The following SPEG variants were observed in gnomAD, a reference collection of about 807,000 sequenced individuals.
SPEG encodes the protein striated muscle enriched protein kinase.
Under a neutral mutation model 300.4 loss-of-function variants are expected in SPEG, and 114 were observed. The observed-to-expected ratio is 0.38, with a 90% CI of 0.33 to 0.44. The LOEUF (loss-of-function observed/expected upper bound fraction) is 0.44, where lower values mean the gene tolerates loss of function less well. Among genes scored for constraint, SPEG ranks in the 20% least tolerant of loss-of-function variants. The pLI, the probability that SPEG is intolerant of heterozygous loss-of-function variation, is 1.00. For missense variants in SPEG, 4,201 were observed against 4,586.2 expected, an observed-to-expected ratio of 0.92 and a Z score of 2.43; for synonymous variants, 1,964 against 2,018.9, an observed-to-expected ratio of 0.97 and a Z score of 0.73.
chr2:219,488,411 G>T (rs770877708), intron 32 of SPEG, 87 bp from the exon 33 acceptor site: 1 of 1,502,822 alleles, frequency 6.7e-7, no homozygotes. Context: ...GCACGGTTAG[G>T]GGGGATGCTG....
intron 1 of SPEG, chr2:219,441,569 C>A (rs1469339327): frequency 4.2e-6 from 2 of 470,972 alleles, no homozygotes; most frequent in South Asian, 3.1e-5. Flanking sequence ...TGCTGCTGAC[C>A]TTCCAGAGAG....
chr2:219,488,817 C>T lies in SPEG; in HGVS notation c.8066C>T (p.Thr2689Ile), dbSNP rs767275746. Residue 2689 changes from threonine to isoleucine, a missense_variant, in exon 34 of 41, where the codon ACC becomes ATC. Thr to Ile is a moderately conservative substitution (Grantham distance 89). This residue lies in a region of SPEG where 1,578 missense variants were observed against 1,506.0 expected (regional missense o/e 1.05). Coordinates refer to ENST00000312358, the MANE Select transcript of SPEG (RefSeq NM_005876.5). The stretch of plus-strand genomic sequence containing the variant: ...CTAGCTCCTCCAGAGGTACCCCAGA[C>T]CTACCAGGACACGGCGCTGGTGCTG... ...GKLAPPEVPQTYQDTALVLWK... is the reference protein window; with the variant it reads ...GKLAPPEVPQIYQDTALVLWK... 6.3e-7 allele frequency: 1 copy of T among 1,597,968 alleles called. No homozygotes were observed.
chr2:219,443,451 C>T lies in SPEG; in HGVS notation c.389-1202C>T, dbSNP rs1034764926. ...ATGCTTTGGCAACCAGTACGTGGCT[C>T]CTGCTTGTCATGGCAGCCAGAGGGA... On this transcript the variant is annotated intron_variant, in intron 1 of 40. Coordinates refer to ENST00000312358, the MANE Select transcript of SPEG (RefSeq NM_005876.5). The surrounding 1 kb of genome is among the most constrained non-coding windows in gnomAD (Gnocchi z 4.6). The T allele has an allele frequency of 2.2e-5, 10 of 451,798 alleles. No homozygotes were observed. The highest frequency in any genetic ancestry group is 4.0e-5 in the Non-Finnish European group (10 of 249,900). 28.0% of individuals were successfully genotyped at this position (451,798 alleles called of 1,614,324 possible). A position where few individuals can be genotyped will look rare whatever the true frequency, so the allele number is the denominator to read the frequency against.
chr2:219,451,400 C>A lies in SPEG; in HGVS notation c.2257+121C>A. The A allele has an allele frequency of 7.5e-7, 1 of 1,335,488 alleles. No individual in the cohort carries two copies. Among genetic ancestry groups the A allele is most frequent in the Non-Finnish European group, 1.0e-6 (1 of 1,001,510 alleles). 82.7% of individuals were successfully genotyped at this position (1,335,488 alleles called of 1,614,324 possible). On this transcript the variant is annotated intron_variant, in intron 5 of 40. Transcript: ENST00000312358. The surrounding 1 kb of genome is among the most constrained non-coding windows in gnomAD (Gnocchi z 6.4). ...TGGGAAAGAGGGGAATTATCCCCTC[C>A]ACGGGGGCTGCCCTGACTTGGGTGT...
At position 219,451,606 on chromosome 2, in the gene SPEG, TC is replaced by T. The variant is rs765943009; in HGVS notation, c.2258-16del. 99 of 1,513,272 alleles carry T rather than the reference TC, an allele frequency of 6.5e-5. No homozygotes were observed. The highest frequency in any genetic ancestry group is 2.6e-5 in the Non-Finnish European group (29 of 1,131,222). 93.7% of individuals were successfully genotyped at this position (1,513,272 alleles called of 1,614,324 possible). On this transcript the variant is annotated intron_variant, in intron 5 of 40. Transcript: ENST00000312358. This position sits in a 1 kb window ranked among gnomAD's most constrained non-coding sequence, Gnocchi z 6.4. ...CGCCTGTGGGCCGTGGCGAGCCGGG[TC>T]CCTGTGCCTCCCCACAGTGTCCTGG...
At chr2:219,491,561 C>T (rs1184816552) in intron 38 of SPEG, among the ~76,000 whole-genome samples, 4 of 152,200 alleles carry the variant, frequency 2.6e-5, no homozygotes, top group Non-Finnish European at 2.9e-5. Flanking sequence ...CTCTGGAGTT[C>T]TGGGGACCCC....
chr2:219,461,291 T>C (rs1271041978), intron 6 of SPEG: 2 of 986,822 alleles, frequency 2.0e-6, no homozygotes, highest in East Asian at 2.3e-4. Flanking sequence ...TGTAGGGCTG[T>C]GGCCAACAGG....
In SPEG at chr2:219,448,249, C is replaced by T. The variant is rs766118266; in HGVS notation, c.1091C>T (p.Ser364Phe). 1.9e-6 allele frequency: 3 copies of T among 1,612,272 alleles called. No individual in the cohort carries two copies. Among genetic ancestry groups the T allele is most frequent in the Admixed American group, 3.3e-5 (2 of 59,956 alleles). ...RGKKSKSSGP[S>F]LAGTAESRPQ... is the part of the protein sequence containing the mutation. ...AAGAAGTCCAAGTCGTCCGGGCCCT[C>T]CCTGGCGGGCACCGCGGAATCCCGA... Residue 364 changes from serine (S) to phenylalanine (F), a missense_variant, in exon 4 of 41, where the codon TCC becomes TTC. Ser to Phe is a radical substitution (Grantham distance 155). This residue lies in a region of SPEG where 1,258 missense variants were observed against 1,293.9 expected (regional missense o/e 0.97). Transcript: ENST00000312358.
chr2:219,478,081 G>A lies in SPEG; in HGVS notation c.5003G>A (p.Arg1668Gln), dbSNP rs750297716. 15 of 1,613,894 alleles carry A rather than the reference G, an allele frequency of 9.3e-6. No homozygotes were observed. The highest frequency in any genetic ancestry group is 4.4e-5 in the South Asian group (4 of 91,080). Residue 1668 changes from arginine to glutamine, a missense_variant, in exon 22 of 41, where the codon CGG becomes CAG. Arg to Gln is a conservative substitution (Grantham distance 43). Transcript: ENST00000312358. Reference protein sequence around the residue: ...LYFHEAFERRRGLVIVTELCT... With the variant: ...LYFHEAFERRQGLVIVTELCT... Reference sequence around the variant, plus strand: ...TTCCATGAGGCCTTCGAGAGGCGCCGGGGACTGGTCATTGTCACCGAGCTG... The same window carrying A: ...TTCCATGAGGCCTTCGAGAGGCGCCAGGGACTGGTCATTGTCACCGAGCTG...
chr2:219,474,152 T>G (rs1575138973), intron 18 of SPEG: 1 of 396,034 alleles, frequency 2.5e-6, no homozygotes, highest in Non-Finnish European at 4.6e-6. Context: ...CCGACACAGG[T>G]GGATTACCTG....
At chr2:219,447,902 C>T (rs1689436638) in intron 3 of SPEG, 72 bp from the exon 4 acceptor site, 1 of 1,437,460 alleles carries the variant, frequency 7.0e-7, no homozygotes, top group Non-Finnish European at 9.6e-7. Flanking sequence ...CCACCCAATT[C>T]CTGTCACAAG....
At position 219,484,378 on chromosome 2, in the gene SPEG, G is replaced by A. The variant is rs760184740; in HGVS notation, c.6915G>A (p.Glu2305=). Residue 2305 remains glutamate (E), a synonymous_variant, in exon 30 of 41, where the codon GAG becomes GAA. Coordinates refer to ENST00000312358, the MANE Select transcript of SPEG (RefSeq NM_005876.5). ...PSAGGPPVLA[E]KARVPTVPPR... ...CCGGGGGTCCCCCGGTGCTAGCCGA[G>A]AAAGCCCGAGTTCCCACGGTGCCCC... The A allele has an allele frequency of 3.9e-5, 63 of 1,608,466 alleles. No homozygotes were observed. In the East Asian group the frequency reaches 1.4e-3, roughly 35 times the overall value.
In SPEG at chr2:219,435,333, G is replaced by C. The variant is rs868844232; in HGVS notation, c.356G>C (p.Cys119Ser). ...MAQNERGRAS[C>S]EAVLTVLEVG... is the part of the protein sequence containing the mutation. ...CAGAACGAGCGGGGCCGGGCCTCCT[G>C]CGAGGCGGTGCTCACAGTGCTGGAG... Residue 119 changes from cysteine to serine, a missense_variant, in exon 1 of 41, where the codon TGC becomes TCC. Transcript: ENST00000312358. The C allele has an allele frequency of 6.5e-7, 1 of 1,538,506 alleles. No homozygotes were observed. The highest frequency in any genetic ancestry group is 1.9e-5 in the Admixed American group (1 of 51,974).
At chr2:219,491,972 C>A in intron 39 of SPEG, 103 bp downstream of exon 39, 1 of 1,329,860 alleles carries the variant, frequency 7.5e-7, no homozygotes, top group Non-Finnish European at 1.0e-6. Flanking sequence ...CTCCCCTGTA[C>A]ACACATCCAC....
At position 219,451,599 on chromosome 2, in the gene SPEG, A is replaced by G. The variant is rs1466861569; in HGVS notation, c.2258-26A>G. The G allele has an allele frequency of 6.7e-7, 1 of 1,499,120 alleles. No homozygotes were observed. The highest frequency in any genetic ancestry group is 8.9e-7 in the Non-Finnish European group (1 of 1,124,452). 92.9% of individuals were successfully genotyped at this position (1,499,120 alleles called of 1,614,324 possible). A position where few individuals can be genotyped will look rare whatever the true frequency, so the allele number is the denominator to read the frequency against. The stretch of plus-strand genomic sequence containing the variant: ...CAGTGGGCGCCTGTGGGCCGTGGCG[A>G]GCCGGGTCCCTGTGCCTCCCCACAG... On this transcript the variant is annotated intron_variant, in intron 5 of 40. Transcript: ENST00000312358. This position sits in a 1 kb window ranked among gnomAD's most constrained non-coding sequence, Gnocchi z 6.4.
At position 219,464,612 on chromosome 2, in the gene SPEG, A is replaced by G; in HGVS notation, c.2881+4A>G. 6.2e-7 allele frequency: 1 copy of G among 1,613,128 alleles called. No homozygotes were observed. On this transcript the variant is annotated splice_donor_region_variant and intron_variant, in intron 9 of 40. Coordinates refer to ENST00000312358, the MANE Select transcript of SPEG (RefSeq NM_005876.5). The surrounding 1 kb of genome is among the most constrained non-coding windows in gnomAD (Gnocchi z 4.5). ...GAGGCCCGCTTGGAGGTCCGAGGTG[A>G]GTACCTGATTTCTCCATGAATGCCC...
At chr2:219,460,897 C>G in intron 6 of SPEG, 1 of 986,244 alleles carries the variant, frequency 1.0e-6, no homozygotes, top group South Asian at 4.7e-5. Flanking sequence ...CCCTGGGGAG[C>G]CACGCTGGGG....
chr2:219,447,934 C>A, intron 3 of SPEG, 40 bp from the exon 4 acceptor site: 1 of 1,575,742 alleles, frequency 6.3e-7, no homozygotes, highest in Non-Finnish European at 8.7e-7. Flanking sequence ...GGAGAGGAGG[C>A]CCCCTGAATC....
At chr2:219,447,880 C>T (rs1338722934) in intron 3 of SPEG, 94 bp from the exon 4 acceptor site, 5 of 1,217,814 alleles carry the variant, frequency 4.1e-6, no homozygotes, top group African/African-American at 1.5e-5. Context: ...CCAAGCCTGC[C>T]CAGCATGCCC....
Sources: gnomAD v4.1 joint callset for allele counts (sites outside exome capture counted in the v4.1 genomes callset) on GRCh38, gnomAD v4.1.1 for gene constraint, gnomAD v4.1.1 regional missense constraint, Gnocchi (gnomAD v3.1) non-coding constraint, MANE v1.5 for transcripts, NCBI Gene and HGNC (gene_info 2026-07-23, HGNC 2026-07-21) for gene names.